Variants in PPARGC1A observed in about 807,000 individuals in gnomAD.
PPARGC1A encodes peroxisome proliferator-activated receptor gamma coactivator 1-alpha.
In PPARGC1A, 25 loss-of-function variants were observed where a neutral mutation model predicts 88.7. That is an observed-to-expected ratio of 0.28 (90% CI 0.21 to 0.39). PPARGC1A has a LOEUF of 0.39. Ranked by LOEUF, PPARGC1A falls within the 10% of genes least tolerant of loss-of-function variation. The pLI is 1.00. For synonymous variants in PPARGC1A, 363 were observed against 355.6 expected (o/e 1.02, Z -0.24); for missense variants, 880 against 968.7 (o/e 0.91, Z 1.22).
the PPARGC1A span, among the ~76,000 whole-genome samples, chr4:24,029,467 C>T: frequency 1.1e-4 from 16 of 152,236 alleles, no homozygotes; most frequent in Admixed American, 8.5e-4. Flanking sequence ...AAGGAAAATC[C>T]GGATTGGAAA....
chr4:24,269,145 T>G, the PPARGC1A span, among the ~76,000 whole-genome samples: 4 of 152,250 alleles, frequency 2.6e-5, no homozygotes, highest in African/African-American at 9.6e-5. Context: ...GGAAGTAATC[T>G]TTCTGGATTT....
At chr4:24,162,814 G>A in the PPARGC1A span, among the ~76,000 whole-genome samples, 37 of 151,582 alleles carry the variant, frequency 2.4e-4, no homozygotes, top group Non-Finnish European at 3.5e-4. Flanking sequence ...GTCTGGTCTC[G>A]CACCCCTGAC....
chr4:24,394,945 C>G, the PPARGC1A span, among the ~76,000 whole-genome samples: 1 of 152,112 alleles, frequency 6.6e-6, no homozygotes, highest in African/African-American at 2.4e-5. Flanking sequence ...TTTTCAAAAA[C>G]AATGAAAAAG....
At chr4:24,083,728 C>A in the PPARGC1A span, among the ~76,000 whole-genome samples, 1 of 152,208 alleles carries the variant, frequency 6.6e-6, no homozygotes, top group Admixed American at 6.5e-5. Context: ...GGCCTCTGAA[C>A]TTCCATCCCA....
At chr4:24,019,478 C>T in the PPARGC1A span, among the ~76,000 whole-genome samples, 1 of 152,162 alleles carries the variant, frequency 6.6e-6, no homozygotes, top group Non-Finnish European at 1.5e-5. Context: ...CATTCACACT[C>T]TTCTACTACC....
At chr4:24,289,988 T>A in the PPARGC1A span, among the ~76,000 whole-genome samples, 10 of 152,178 alleles carry the variant, frequency 6.6e-5, no homozygotes, top group South Asian at 6.2e-4. Context: ...ACATCTTACA[T>A]GGTAGCAGGC....
the PPARGC1A span, among the ~76,000 whole-genome samples, chr4:23,977,419 G>T: frequency 6.6e-6 from 1 of 152,198 alleles, no homozygotes; most frequent in African/African-American, 2.4e-5. Flanking sequence ...TAAAAAGGAA[G>T]CTTAGCTATC....
the PPARGC1A span, among the ~76,000 whole-genome samples, chr4:24,235,959 T>C: frequency 6.6e-6 from 1 of 152,140 alleles, no homozygotes; most frequent in African/African-American, 2.4e-5. Flanking sequence ...CTTCATCCTG[T>C]GACTATATGG....
chr4:24,370,210 A>T, the PPARGC1A span, among the ~76,000 whole-genome samples: 3 of 152,224 alleles, frequency 2.0e-5, no homozygotes, highest in South Asian at 2.1e-4. Flanking sequence ...TGGTAACAAA[A>T]TTTTTTCTAC....
chr4:23,837,376 C>T (rs1340115721), intron 2 of PPARGC1A, among the ~76,000 whole-genome samples: 1 of 105,384 alleles, frequency 9.5e-6, no homozygotes, highest in Middle Eastern at 4.6e-3. Context: ...TTTTTTTGCA[C>T]TCATGATTAA....
At chr4:23,826,426 T>A (rs1413956038) in intron 5 of PPARGC1A, among the ~76,000 whole-genome samples, 2 of 152,024 alleles carry the variant, frequency 1.3e-5, no homozygotes, top group Non-Finnish European at 2.9e-5. Flanking sequence ...AATGAACAAA[T>A]AAATGAGACA....
At chr4:24,111,651 C>A in the PPARGC1A span, among the ~76,000 whole-genome samples, 1 of 152,200 alleles carries the variant, frequency 6.6e-6, no homozygotes, top group Admixed American at 6.5e-5. Context: ...GCAGTAGTAA[C>A]AGCCGCAATA....
At chr4:23,968,682 C>T in the PPARGC1A span, among the ~76,000 whole-genome samples, 67 of 152,100 alleles carry the variant, frequency 4.4e-4, 1 homozygote, top group African/African-American at 1.4e-3. Context: ...TGGGAGGCCA[C>T]GGCAGGAGGA....
At chr4:24,140,142 A>C in the PPARGC1A span, among the ~76,000 whole-genome samples, 1 of 152,054 alleles carries the variant, frequency 6.6e-6, no homozygotes, top group Non-Finnish European at 1.5e-5. Context: ...TCTGTGTGAA[A>C]CGCTAGGCCA....
At chr4:24,024,891 T>A in the PPARGC1A span, among the ~76,000 whole-genome samples, 3 of 152,228 alleles carry the variant, frequency 2.0e-5, no homozygotes, top group Non-Finnish European at 2.9e-5. Flanking sequence ...TACTTTCACC[T>A]AATCTGTGCA....
chr4:24,022,389 T>C, the PPARGC1A span, among the ~76,000 whole-genome samples: 1 of 152,124 alleles, frequency 6.6e-6, no homozygotes, highest in Non-Finnish European at 1.5e-5. Flanking sequence ...TAGCGCTCAC[T>C]GCCTCCCCAC....
At chr4:24,162,496 T>G in the PPARGC1A span, among the ~76,000 whole-genome samples, 2 of 152,126 alleles carry the variant, frequency 1.3e-5, no homozygotes, top group East Asian at 3.9e-4. Context: ...TCTCCTTAGC[T>G]GTAGAGTTAA....
the PPARGC1A span, among the ~76,000 whole-genome samples, chr4:24,191,737 G>C: frequency 2.0e-5 from 3 of 152,226 alleles, no homozygotes; most frequent in African/African-American, 7.2e-5. Flanking sequence ...ATTAGGATGG[G>C]TGTGGGTGGC....
chr4:24,422,964 G>A, the PPARGC1A span, among the ~76,000 whole-genome samples: 15 of 152,060 alleles, frequency 9.9e-5, no homozygotes, highest in Admixed American at 9.2e-4. Flanking sequence ...TAGACACCTT[G>A]GATTTAAAAT....
Sources: gnomAD v4.1 joint callset for allele counts (sites outside exome capture counted in the v4.1 genomes callset) on GRCh38, gnomAD v4.1.1 for gene constraint, MANE v1.5 for transcripts, NCBI Gene and HGNC (gene_info 2026-07-23, HGNC 2026-07-21) for gene names.